The following FBXL7 variants were observed in gnomAD, a reference collection of about 807,000 sequenced individuals.
FBXL7 encodes F-box/LRR-repeat protein 7.
A neutral mutation model predicts 38.3 loss-of-function variants in FBXL7; 12 were observed. That is an observed-to-expected ratio of 0.31 (90% CI 0.20 to 0.51). The LOEUF (loss-of-function observed/expected upper bound fraction) is 0.51, where lower values mean the gene tolerates loss of function less well. Ranked by LOEUF, FBXL7 falls within the 20% of genes least tolerant of loss-of-function variation. The pLI is 0.98. For missense variants in FBXL7, 567 were observed against 676.4 expected, an observed-to-expected ratio of 0.84 and a Z score of 1.79; for synonymous variants, 297 against 300.9, an observed-to-expected ratio of 0.99 and a Z score of 0.13.
intron 2 of FBXL7, among the ~76,000 whole-genome samples, chr5:15,695,474 C>T (rs1743306141): frequency 6.6e-6 from 1 of 152,146 alleles, no homozygotes; most frequent in Admixed American, 6.5e-5. Context: ...ACCCAGTTCC[C>T]ATCGACAGTC....
At chr5:15,618,030 G>A (rs1227524642) in intron 2 of FBXL7, among the ~76,000 whole-genome samples, 2 of 152,098 alleles carry the variant, frequency 1.3e-5, no homozygotes, top group Non-Finnish European at 2.9e-5. Flanking sequence ...TTGGGGGAGG[G>A]TAGTGTGGGA....
intron 1 of FBXL7, among the ~76,000 whole-genome samples, chr5:15,513,571 A>G (rs1736857272): frequency 6.6e-6 from 1 of 152,136 alleles, no homozygotes; most frequent in Non-Finnish European, 1.5e-5. Context: ...TGTTTCCTGC[A>G]TGTGTGTTCA....
chr5:15,798,917 A>C (rs1359336363), intron 2 of FBXL7, among the ~76,000 whole-genome samples: 2 of 152,234 alleles, frequency 1.3e-5, no homozygotes, highest in African/African-American at 4.8e-5. Flanking sequence ...ATTCTGACTT[A>C]GACTAAAAAT....
At chr5:15,688,670 T>C (rs1180100009) in intron 2 of FBXL7, among the ~76,000 whole-genome samples, 1 of 152,190 alleles carries the variant, frequency 6.6e-6, no homozygotes, top group East Asian at 1.9e-4. Context: ...TGCCTATAAA[T>C]GCCCCACTTG....
At chr5:15,806,090 G>A (rs1737704699) in intron 2 of FBXL7, among the ~76,000 whole-genome samples, 1 of 152,142 alleles carries the variant, frequency 6.6e-6, no homozygotes. Context: ...TATGAAAGTA[G>A]TAAATAAGAC....
chr5:15,569,633 T>C (rs1416657185), intron 1 of FBXL7, among the ~76,000 whole-genome samples: 1 of 151,780 alleles, frequency 6.6e-6, no homozygotes, highest in African/African-American at 2.4e-5. Context: ...CTATGTTGAA[T>C]AGGAGTGGTG....
chr5:15,917,875 A>C (rs932746317), intron 2 of FBXL7, among the ~76,000 whole-genome samples: 10 of 152,112 alleles, frequency 6.6e-5, no homozygotes, highest in African/African-American at 2.2e-4. Flanking sequence ...CTTGTGAAAA[A>C]AGTGGCCTCT....
intron 2 of FBXL7, among the ~76,000 whole-genome samples, chr5:15,740,435 A>G (rs1020887103): frequency 4.6e-5 from 7 of 152,196 alleles, no homozygotes; most frequent in Non-Finnish European, 1.0e-4. Context: ...CTATCTTTAA[A>G]AAAACAGATC....
At chr5:15,726,814 C>T (rs545467434) in intron 2 of FBXL7, among the ~76,000 whole-genome samples, 17 of 151,930 alleles carry the variant, frequency 1.1e-4, no homozygotes, top group Non-Finnish European at 1.8e-4. Context: ...AGAGTTTAAT[C>T]TATTTACATT....
At chr5:15,914,282 A>G (rs1741523804) in intron 2 of FBXL7, among the ~76,000 whole-genome samples, 1 of 149,944 alleles carries the variant, frequency 6.7e-6, no homozygotes, top group African/African-American at 2.5e-5. Context: ...GCTACTCATG[A>G]GGCTGAGGCA....
intron 1 of FBXL7, among the ~76,000 whole-genome samples, chr5:15,568,405 T>C (rs1738657619): frequency 6.6e-6 from 1 of 152,252 alleles, no homozygotes; most frequent in African/African-American, 2.4e-5. Flanking sequence ...TTGAGAAGTG[T>C]CTGTTCATAT....
At chr5:15,727,469 C>A (rs553735971) in intron 2 of FBXL7, among the ~76,000 whole-genome samples, 1 of 152,186 alleles carries the variant, frequency 6.6e-6, no homozygotes, top group African/African-American at 2.4e-5. Context: ...GCAGTTTTGC[C>A]AGATATTGGA....
At position 15,939,140 on chromosome 5, in the gene FBXL7, C is replaced by T. The variant is rs1742278419; in HGVS notation, c.*1954C>T. The T allele has an allele frequency of 2.5e-6, 1 of 398,614 alleles. No individual in the cohort carries two copies. The highest frequency in any genetic ancestry group is 2.1e-5 in the African/African-American group (1 of 48,602). The allele number at this position is 398,614 out of a possible 1,614,324, so 24.7% of individuals were successfully genotyped here. Reference sequence around the variant, plus strand: ...AGGTTTCTTTCAAACATCATGGCCTCCCATCCAATCAACATCATCAAATTA... The same window carrying T: ...AGGTTTCTTTCAAACATCATGGCCTTCCATCCAATCAACATCATCAAATTA... On this transcript the variant is annotated 3_prime_UTR_variant, in exon 4 of 4. Transcript: ENST00000504595.
intron 1 of FBXL7, among the ~76,000 whole-genome samples, chr5:15,556,739 A>G (rs890823333): frequency 1.3e-5 from 2 of 152,162 alleles, no homozygotes; most frequent in African/African-American, 4.8e-5. Context: ...CTCTCAATAA[A>G]TCATCAGCTG....
intron 2 of FBXL7, among the ~76,000 whole-genome samples, chr5:15,714,367 C>T (rs1743971297): frequency 6.6e-6 from 1 of 152,202 alleles, no homozygotes; most frequent in Non-Finnish European, 1.5e-5. Flanking sequence ...TTCCTGAGGC[C>T]TCCACAGGCA....
In FBXL7 at chr5:15,811,641, C is replaced by T. The variant is rs185515222; in HGVS notation, c.128-116249C>T. On this transcript the variant is annotated intron_variant, in intron 2 of 3. Coordinates refer to ENST00000504595, the MANE Select transcript of FBXL7 (RefSeq NM_012304.5). ...AGTGTTCCATGCTTAAACAAATTTACGAGAAAAAAAATGACCCCATCGAAA... is the reference window on the plus strand; with the variant it reads ...AGTGTTCCATGCTTAAACAAATTTATGAGAAAAAAAATGACCCCATCGAAA... Among the ~76,000 whole-genome samples the T allele has an allele frequency of 2.0e-3, 297 of 151,600 alleles. 1 individual carries two copies. The highest frequency in any genetic ancestry group is 3.2e-3 in the Admixed American group (49 of 15,214).
intron 2 of FBXL7, among the ~76,000 whole-genome samples, chr5:15,768,979 C>A (rs1736662746): frequency 6.6e-6 from 1 of 152,122 alleles, no homozygotes. Context: ...GAAATGTTCC[C>A]AGGTATTGAT....
intron 2 of FBXL7, among the ~76,000 whole-genome samples, chr5:15,657,888 G>A (rs2126579909): frequency 6.6e-6 from 1 of 151,950 alleles, no homozygotes; most frequent in South Asian, 2.1e-4. Context: ...TGCTGACTAG[G>A]GAGCAACTTT....
chr5:15,744,068 G>C (rs1448763585), intron 2 of FBXL7, among the ~76,000 whole-genome samples: 1 of 152,186 alleles, frequency 6.6e-6, no homozygotes, highest in Non-Finnish European at 1.5e-5. Context: ...GTGAAGGGAG[G>C]GGCTGCTGTG....
Sources: gnomAD v4.1 joint callset for allele counts (sites outside exome capture counted in the v4.1 genomes callset) on GRCh38, gnomAD v4.1.1 for gene constraint, MANE v1.5 for transcripts, NCBI Gene and HGNC (gene_info 2026-07-23, HGNC 2026-07-21) for gene names.